Variants in SLIT3 observed in about 807,000 individuals in gnomAD.
The protein encoded by SLIT3 is slit homolog 3 protein.
SLIT3 carries 68 observed loss-of-function variants against 184.0 expected under a neutral mutation model. The ratio of observed to expected loss-of-function variants is 0.37; its 90% CI spans 0.30 to 0.45. The LOEUF (loss-of-function observed/expected upper bound fraction) is 0.45, where lower values mean the gene tolerates loss of function less well. Ranked by LOEUF, SLIT3 falls within the 20% of genes least tolerant of loss-of-function variation. The pLI, the probability that SLIT3 is intolerant of heterozygous loss-of-function variation, is 1.00. For synonymous variants in SLIT3, 831 were observed against 828.6 expected (o/e 1.00, Z -0.05); for missense variants, 1,707 against 2,026.0 (o/e 0.84, Z 3.02).
At chr5:169,021,603 G>A (rs1203178462) in intron 4 of SLIT3, among the ~76,000 whole-genome samples, 2 of 152,030 alleles carry the variant, frequency 1.3e-5, no homozygotes. Context: ...GACCTGCCTC[G>A]GCCTCCCAGT....
intron 4 of SLIT3, among the ~76,000 whole-genome samples, chr5:169,033,681 A>G (rs1380336736): frequency 6.6e-6 from 1 of 152,160 alleles, no homozygotes; most frequent in African/African-American, 2.4e-5. Context: ...ATAATTAATT[A>G]ATGATGAATG....
At chr5:169,084,934 A>G (rs1467612567) in intron 4 of SLIT3, among the ~76,000 whole-genome samples, 1 of 151,848 alleles carries the variant, frequency 6.6e-6, no homozygotes, top group Non-Finnish European at 1.5e-5. Flanking sequence ...CACCTGACCA[A>G]CCTCACCCAT....
intron 20 of SLIT3, among the ~76,000 whole-genome samples, chr5:168,726,353 G>A (rs1258769969): frequency 1.3e-5 from 1 of 79,546 alleles, no homozygotes; most frequent in African/African-American, 4.4e-5. Flanking sequence ...AGGGAGGCAG[G>A]GAGGGAGAGG....
chr5:168,739,176 A>G (rs889033739), intron 20 of SLIT3, among the ~76,000 whole-genome samples: 1 of 152,146 alleles, frequency 6.6e-6, no homozygotes, highest in African/African-American at 2.4e-5. Context: ...CAGTGAACCG[A>G]TATTTTTCCA....
chr5:168,870,916 A>G (rs1246251011), intron 5 of SLIT3, among the ~76,000 whole-genome samples: 1 of 152,254 alleles, frequency 6.6e-6, no homozygotes, highest in Middle Eastern at 3.2e-3. Context: ...TCCAGACGAC[A>G]GGGTTTGGTG....
intron 4 of SLIT3, among the ~76,000 whole-genome samples, chr5:168,993,611 T>A (rs1755406697): frequency 6.6e-6 from 1 of 151,932 alleles, no homozygotes; most frequent in Admixed American, 6.6e-5. Flanking sequence ...AGGATTCTTC[T>A]CTCTCCTAAC....
intron 14 of SLIT3, among the ~76,000 whole-genome samples, chr5:168,764,723 C>T (rs1755275801): frequency 6.6e-6 from 1 of 152,156 alleles, no homozygotes; most frequent in Non-Finnish European, 1.5e-5. Context: ...CTTCTCTGCT[C>T]TCTCTCCATT....
chr5:168,713,203 C>T (rs1279679142), intron 23 of SLIT3, among the ~76,000 whole-genome samples: 2 of 152,194 alleles, frequency 1.3e-5, no homozygotes, highest in African/African-American at 4.8e-5. Context: ...TTGTGTGCAC[C>T]TGAGTGCATC....
chr5:168,841,556 G>A (rs1161508868), intron 6 of SLIT3, among the ~76,000 whole-genome samples: 3 of 152,084 alleles, frequency 2.0e-5, no homozygotes, highest in African/African-American at 7.2e-5. Context: ...GTTGAAGTGG[G>A]CAGATTTCAG....
At position 168,738,806 on chromosome 5, in the gene SLIT3, C is replaced by T. The variant is rs573073238; in HGVS notation, c.2270+9496G>A. On this transcript the variant is annotated intron_variant, in intron 20 of 35. Coordinates refer to ENST00000519560, the MANE Select transcript of SLIT3 (RefSeq NM_003062.4). ...ACAAAAAATTAGCCGGGCGCGGTGG[C>T]GGGCGCCTGTAGTCCCAGCTGCTGG... Among the ~76,000 whole-genome samples the T allele has an allele frequency of 2.7e-4, 41 of 152,022 alleles. 1 individual carries two copies. In the East Asian group the frequency reaches 5.6e-3, roughly 21 times the overall value.
chr5:169,020,927 G>A (rs376632974), intron 4 of SLIT3, among the ~76,000 whole-genome samples: 1 of 152,188 alleles, frequency 6.6e-6, no homozygotes, highest in African/African-American at 2.4e-5. Context: ...CTTCCTCCAG[G>A]AAATCATTAT....
intron 21 of SLIT3, among the ~76,000 whole-genome samples, chr5:168,723,893 G>A (rs1763025211): frequency 6.6e-6 from 1 of 152,182 alleles, no homozygotes; most frequent in Non-Finnish European, 1.5e-5. Context: ...CTAATCAGCT[G>A]ATGGTGAGGA....
At chr5:169,140,111 A>G (rs748450072) in intron 4 of SLIT3, among the ~76,000 whole-genome samples, 2 of 151,876 alleles carry the variant, frequency 1.3e-5, no homozygotes, top group East Asian at 3.9e-4. Context: ...ATACTAAAAT[A>G]AAGTCCTGAC....
chr5:169,240,176 T>C (rs150720957), intron 3 of SLIT3, among the ~76,000 whole-genome samples: 5 of 152,164 alleles, frequency 3.3e-5, no homozygotes, highest in Non-Finnish European at 7.4e-5. Flanking sequence ...TAGATCAGTA[T>C]ATAATAAAAC....
At chr5:168,946,186 A>G (rs1273466796) in intron 4 of SLIT3, among the ~76,000 whole-genome samples, 5 of 152,096 alleles carry the variant, frequency 3.3e-5, no homozygotes, top group African/African-American at 1.2e-4. Context: ...ATCACTATAC[A>G]CGTTGACCCT....
chr5:168,876,327 CTG>C (rs1239529026), intron 5 of SLIT3, among the ~76,000 whole-genome samples: 1 of 152,178 alleles, frequency 6.6e-6, no homozygotes, highest in Non-Finnish European at 1.5e-5. Flanking sequence ...GCTGCTGAAG[CTG>C]TTTTTCTTAA....
chr5:168,975,867 C>A (rs773822790), intron 4 of SLIT3, among the ~76,000 whole-genome samples: 1 of 152,096 alleles, frequency 6.6e-6, no homozygotes, highest in African/African-American at 2.4e-5. Context: ...TACGGGTGGG[C>A]GTCCTGATCT....
intron 4 of SLIT3, among the ~76,000 whole-genome samples, chr5:169,138,320 G>T (rs1031398734): frequency 3.3e-5 from 5 of 152,190 alleles, no homozygotes; most frequent in African/African-American, 1.2e-4. Context: ...CGGAAGCCCT[G>T]CCCCCTTGCC....
chr5:168,738,686 C>T (rs1021943163), intron 20 of SLIT3, among the ~76,000 whole-genome samples: 2 of 152,160 alleles, frequency 1.3e-5, no homozygotes, highest in Non-Finnish European at 2.9e-5. Flanking sequence ...TGCCTGTAAT[C>T]CCAGCACTTT....
Sources: allele counts gnomAD v4.1 joint callset (sites outside exome capture counted in the v4.1 genomes callset), GRCh38; gene constraint gnomAD v4.1.1; transcripts MANE v1.5; gene names NCBI Gene and HGNC (gene_info 2026-07-23, HGNC 2026-07-21).